The following MEAF6 variants were observed in gnomAD, a reference collection of about 807,000 sequenced individuals.
The protein encoded by MEAF6 is MYST/Esa1 associated factor 6, also known as chromatin modification-related protein MEAF6.
MEAF6 carries 15 observed loss-of-function variants against 28.9 expected under a neutral mutation model. The ratio of observed to expected loss-of-function variants is 0.52; its 90% confidence interval spans 0.35 to 0.80. The LOEUF (loss-of-function observed/expected upper bound fraction) is 0.80, where lower values mean the gene tolerates loss of function less well. MEAF6 is among the 30% of genes least tolerant of loss of function. The pLI is 0.01. For missense variants in MEAF6, 178 were observed against 237.5 expected (o/e 0.75, Z 1.65); for synonymous variants, 97 against 88.7 (o/e 1.09, Z -0.53).
At chr1:37,497,331 C>T (rs188642808) in intron 5 of MEAF6, among the ~76,000 whole-genome samples, 2 of 151,028 alleles carry the variant, frequency 1.3e-5, no homozygotes, top group African/African-American at 2.4e-5. Context: ...CTCTGCCTCC[C>T]GGGTTCACGC....
intron 2 of MEAF6, among the ~76,000 whole-genome samples, 182 bp downstream of exon 2, chr1:37,513,241 G>C (rs939885388): frequency 1.2e-4 from 18 of 152,194 alleles, no homozygotes; most frequent in African/African-American, 4.3e-4. Context: ...CTATTTTACA[G>C]ATGTGAGCCT....
At chr1:37,507,907 T>C (rs1642539223) in intron 4 of MEAF6, among the ~76,000 whole-genome samples, 1 of 151,704 alleles carries the variant, frequency 6.6e-6, no homozygotes, top group Non-Finnish European at 1.5e-5. Flanking sequence ...AATCTGTACA[T>C]AGAGATAATA....
intron 5 of MEAF6, among the ~76,000 whole-genome samples, chr1:37,498,525 A>C (rs1642194772): frequency 6.6e-6 from 1 of 151,730 alleles, no homozygotes; most frequent in Non-Finnish European, 1.5e-5. Flanking sequence ...CCTGGGCTCA[A>C]GCAATCCTCC....
chr1:37,493,092 C>T lies in MEAF6; in HGVS notation c.*1007G>A, dbSNP rs1062340. On this transcript the variant is annotated 3_prime_UTR_variant, in exon 7 of 7. Coordinates refer to ENST00000296214, the MANE Select transcript of MEAF6 (RefSeq NM_001270875.3). ...GGAGACCTGGTGGGCAACACTGGCT[C>T]TCACTGATGCTATCCTTTCACTCCA... 1 of 152,242 alleles carries T rather than the reference C, an allele frequency of 6.6e-6. No individual in the cohort carries two copies. Among genetic ancestry groups the T allele is most frequent in the Admixed American group, 6.5e-5 (1 of 15,278 alleles). 9.4% of individuals were successfully genotyped at this position (152,242 alleles called of 1,614,324 possible).
Position 37,501,926 on chromosome 1 carries a change from C to G in MEAF6, c.411G>C (p.Gln137His), listed in dbSNP as rs1162987797. The G allele has an allele frequency of 6.2e-7, 1 of 1,610,820 alleles. No homozygotes were observed. The highest frequency in any genetic ancestry group is 8.5e-7 in the Non-Finnish European group (1 of 1,177,542). ...DFHNQENEPS[Q>H]EDPEDLDGSV... ...ATCCATCCAGATCCTCAGGGTCCTC[C>G]TGGCTGGGCTCATTTTCCTGATTGT... The change falls in exon 5 of 7, where the codon CAG becomes CAC. Residue 137 changes from glutamine (Q) to histidine (H), a missense_variant. Transcript: ENST00000296214.
chr1:37,507,083 G>A (rs748743571), intron 4 of MEAF6, among the ~76,000 whole-genome samples: 4 of 152,172 alleles, frequency 2.6e-5, no homozygotes, highest in Non-Finnish European at 1.5e-5. Flanking sequence ...AATTTGGGAG[G>A]CAAAGGCAGA....
At chr1:37,501,731 A>G (rs1642309927) in intron 5 of MEAF6, 73 bp downstream of exon 5, 1 of 1,341,030 alleles carries the variant, frequency 7.5e-7, no homozygotes, top group Non-Finnish European at 9.9e-7. Flanking sequence ...AATCCTAAAG[A>G]GTTTTTATTC....
intron 2 of MEAF6, among the ~76,000 whole-genome samples, chr1:37,510,921 T>C (rs1486796405): frequency 1.3e-5 from 2 of 151,978 alleles, no homozygotes; most frequent in East Asian, 1.9e-4. Context: ...AGTTTCTCCA[T>C]GTTGGTCAGG....
At chr1:37,495,431 G>A (rs763508577) in intron 6 of MEAF6, among the ~76,000 whole-genome samples, 35 of 151,260 alleles carry the variant, frequency 2.3e-4, no homozygotes, top group Non-Finnish European at 4.0e-4. Flanking sequence ...GGCCAGGCAC[G>A]TTGGCTCACA....
chr1:37,514,753 C>T lies in MEAF6; in HGVS notation c.-7G>A. The T allele has an allele frequency of 6.9e-7, 1 of 1,455,046 alleles. No homozygotes were observed. The highest frequency in any genetic ancestry group is 9.1e-7 in the Non-Finnish European group (1 of 1,103,198). The allele number at this position is 1,455,046 out of a possible 1,614,324, so 90.1% of individuals were successfully genotyped here. A position where few individuals can be genotyped will look rare whatever the true frequency, so the allele number is the denominator to read the frequency against. ...CCTTGTTGTGCATCGCCATGTTGGG[C>T]TGAGGCGGGCGGCGGCGGCGCGAGG... On this transcript the variant is annotated 5_prime_UTR_variant, in exon 1 of 7. Coordinates refer to ENST00000296214, the MANE Select transcript of MEAF6 (RefSeq NM_001270875.3).
At chr1:37,507,020 A>G (rs1010130118) in intron 4 of MEAF6, among the ~76,000 whole-genome samples, 4 of 152,226 alleles carry the variant, frequency 2.6e-5, no homozygotes, top group African/African-American at 4.8e-5. Context: ...TTACAGGCTC[A>G]TGTGAAAACT....
At chr1:37,505,034 C>A (rs1227036853) in intron 4 of MEAF6, among the ~76,000 whole-genome samples, 1 of 151,988 alleles carries the variant, frequency 6.6e-6, no homozygotes, top group African/African-American at 2.4e-5. Context: ...CAGGCACCCA[C>A]CACCATGCCC....
intron 4 of MEAF6, among the ~76,000 whole-genome samples, chr1:37,502,450 G>A (rs1642341470): frequency 6.6e-6 from 1 of 151,398 alleles, no homozygotes; most frequent in Non-Finnish European, 1.5e-5. Context: ...CTACAGTGAT[G>A]TACAAAAAAA....
In MEAF6 at chr1:37,509,506, C is replaced by T. The variant is rs1258546504; in HGVS notation, c.243G>A (p.Lys81=). ...TGAAGAGCCGCTCAGCTTCCTTAAACTTCCGGTTCCTTCGATCATTTTTGC... is the reference window on the plus strand; with the variant it reads ...TGAAGAGCCGCTCAGCTTCCTTAAATTTCCGGTTCCTTCGATCATTTTTGC... ...SNSKNDRRNR[K]FKEAERLFSK... is the part of the protein sequence containing the mutation. Residue 81 remains lysine (K), a synonymous_variant, in exon 3 of 7, where the codon AAG becomes AAA. Coordinates refer to ENST00000296214, the MANE Select transcript of MEAF6 (RefSeq NM_001270875.3). The T allele has an allele frequency of 1.9e-6, 3 of 1,613,990 alleles. No homozygotes were observed. Among genetic ancestry groups the T allele is most frequent in the Non-Finnish European group, 2.5e-6 (3 of 1,180,030 alleles).
intron 6 of MEAF6, among the ~76,000 whole-genome samples, chr1:37,494,984 A>G (rs1283552615): frequency 6.6e-6 from 1 of 152,160 alleles, no homozygotes; most frequent in African/African-American, 2.4e-5. Flanking sequence ...CCAAAAAAAA[A>G]AAGAGCTAGT....
chr1:37,491,190 T>C lies in MEAF6; in HGVS notation c.*2909A>G, dbSNP rs937294647. On this transcript the variant is annotated 3_prime_UTR_variant, in exon 7 of 7. Transcript: ENST00000296214. ...CGCTCATTTTAATTATCTTCTTTACTGCACAGGTCAAGATGTCAAGAATAC... is the reference window on the plus strand; with the variant it reads ...CGCTCATTTTAATTATCTTCTTTACCGCACAGGTCAAGATGTCAAGAATAC... Among the ~76,000 whole-genome samples the C allele has an allele frequency of 1.3e-5, 2 of 152,196 alleles. No homozygotes were observed. The highest frequency in any genetic ancestry group is 2.4e-5 in the African/African-American group (1 of 41,450).
chr1:37,493,682 GC>G lies in MEAF6; in HGVS notation c.*416del. ...AAAACATAAAACAATATAAGAAAAT[GC>G]CAGATATTTACAGCCTCCATCTGAA... On this transcript the variant is annotated 3_prime_UTR_variant, in exon 7 of 7. Transcript: ENST00000296214. The G allele has an allele frequency of 1.0e-6, 1 of 992,944 alleles. No individual in the cohort carries two copies. The highest frequency in any genetic ancestry group is 1.5e-6 in the Non-Finnish European group (1 of 657,494). 61.5% of individuals were successfully genotyped at this position (992,944 alleles called of 1,614,324 possible).
At chr1:37,504,131 G>A (rs865916203) in intron 4 of MEAF6, among the ~76,000 whole-genome samples, 1 of 152,136 alleles carries the variant, frequency 6.6e-6, no homozygotes. Context: ...CACAAGAACT[G>A]ATGGTTTTAG....
At chr1:37,504,217 A>G (rs866003616) in intron 4 of MEAF6, among the ~76,000 whole-genome samples, 3 of 152,138 alleles carry the variant, frequency 2.0e-5, no homozygotes, top group Non-Finnish European at 4.4e-5. Context: ...CTTCCCCTTC[A>G]CCTTCCTCCA....
Sources: gnomAD v4.1 joint callset for allele counts (sites outside exome capture counted in the v4.1 genomes callset) on GRCh38, gnomAD v4.1.1 for gene constraint, MANE v1.5 for transcripts, NCBI Gene and HGNC (gene_info 2026-07-23, HGNC 2026-07-21) for gene names.